The following ERAP2 variants were observed in gnomAD, a reference collection of about 807,000 sequenced individuals.
ERAP2 encodes the protein leukocyte-derived arginine aminopeptidase.
A neutral mutation model predicts 111.1 loss-of-function variants in ERAP2; 118 were observed. The ratio of observed to expected loss-of-function variants is 1.06; its 90% CI spans 0.92 to 1.24. ERAP2 has a LOEUF of 1.24. Among genes scored for constraint, ERAP2 ranks in the 50% most tolerant of loss-of-function variants. The pLI is 0.00. For missense variants in ERAP2, 1,131 were observed against 1,125.8 expected, an observed-to-expected ratio of 1.00 and a Z score of -0.07; for synonymous variants, 410 against 401.2, an observed-to-expected ratio of 1.02 and a Z score of -0.26.
chr5:96,887,108 C>T (rs200395946), intron 4 of ERAP2, among the ~76,000 whole-genome samples: 2,007 of 138,174 alleles, frequency 0.015, 51 homozygotes, highest in East Asian at 0.1. Flanking sequence ...TATACACACA[C>T]ACACACACAC....
intron 1 of ERAP2, among the ~76,000 whole-genome samples, chr5:96,878,440 A>G (rs1342289344): frequency 1.3e-5 from 2 of 152,072 alleles, no homozygotes; most frequent in Non-Finnish European, 2.9e-5. Context: ...AATATAGAAT[A>G]TATATATAGA....
chr5:96,887,911 AG>A (rs1783927771), intron 4 of ERAP2, among the ~76,000 whole-genome samples: 1 of 152,138 alleles, frequency 6.6e-6, no homozygotes, highest in Non-Finnish European at 1.5e-5. Flanking sequence ...AGATCGCCTG[AG>A]GTCAGGAGTT....
intron 4 of ERAP2, among the ~76,000 whole-genome samples, chr5:96,887,073 G>GTATATATATATATA (rs35218383): frequency 8.3e-4 from 72 of 87,140 alleles, no homozygotes; most frequent in Admixed American, 5.7e-3. Context: ...AATTTTCAAA[G>GTATATATATATATA]TATATATATA....
intron 10 of ERAP2, among the ~76,000 whole-genome samples, chr5:96,900,471 A>C (rs1273841138): frequency 6.6e-6 from 1 of 152,160 alleles, no homozygotes; most frequent in African/African-American, 2.4e-5. Flanking sequence ...TTACTACTGC[A>C]TTGGCATCCC....
In ERAP2 at chr5:96,918,559, A is replaced by G. The variant is rs1028907655; in HGVS notation, c.*954A>G. On this transcript the variant is annotated 3_prime_UTR_variant, in exon 19 of 19. Transcript: ENST00000437043. ...GAATGGTCTCTGGTCAAATGAATGA[A>G]TGGTCAAATGAATAAATCTGCCCTC... is the stretch of plus-strand genomic sequence containing the variant. 8.5e-5 allele frequency: 13 copies of G among 152,154 alleles called. No individual in the cohort carries two copies. The highest frequency in any genetic ancestry group is 8.5e-4 in the Admixed American group (13 of 15,276). 9.4% of individuals were successfully genotyped at this position (152,154 alleles called of 1,614,324 possible).
Position 96,889,182 on chromosome 5 carries a change from C to G in ERAP2, c.850-3C>G. The G allele has an allele frequency of 6.2e-7, 1 of 1,613,966 alleles. No individual in the cohort carries two copies. Among genetic ancestry groups the G allele is most frequent in the Non-Finnish European group, 8.5e-7 (1 of 1,179,860 alleles). On this transcript the variant is annotated splice_region_variant and splice_polypyrimidine_tract_variant and intron_variant, in intron 4 of 18. Coordinates refer to ENST00000437043, the MANE Select transcript of ERAP2 (RefSeq NM_022350.5). ...AAAACCTCTTCTGATCCACATTTCC[C>G]AGGTGTCCATCTATGCATCCCCAGA... is the stretch of plus-strand genomic sequence containing the variant.
At chr5:96,906,450 C>T (rs1483390557) in intron 13 of ERAP2, among the ~76,000 whole-genome samples, 1 of 152,028 alleles carries the variant, frequency 6.6e-6, no homozygotes, top group Non-Finnish European at 1.5e-5. Flanking sequence ...AATTTTTTGG[C>T]AGAGATGGCG....
intron 13 of ERAP2, among the ~76,000 whole-genome samples, 165 bp downstream of exon 13, chr5:96,903,725 T>G (rs1785735982): frequency 6.6e-6 from 1 of 151,598 alleles, no homozygotes; most frequent in Non-Finnish European, 1.5e-5. Flanking sequence ...TAACGTATTT[T>G]GACCCACACA....
rs751893916 is a variant in ERAP2 at position 96,896,355 on chromosome 5, A to G, written c.1240-18A>G. On this transcript the variant is annotated intron_variant, in intron 7 of 18. Coordinates refer to ENST00000437043, the MANE Select transcript of ERAP2 (RefSeq NM_022350.5). The stretch of plus-strand genomic sequence containing the variant: ...TGTCAAATAGAAACTAAAACTAAAC[A>G]TTTTTCTCCCTGTTTAGGATGACTA... The G allele has an allele frequency of 1.4e-5, 23 of 1,594,616 alleles. No homozygotes were observed. In the Admixed American group the frequency reaches 3.9e-4, roughly 27 times the overall value.
At chr5:96,889,388 A>G (rs1287042268) in intron 5 of ERAP2, 83 bp downstream of exon 5, 2 of 1,466,990 alleles carry the variant, frequency 1.4e-6, no homozygotes, top group Non-Finnish European at 1.9e-6. Context: ...TTTCTATGTG[A>G]TTTAAATGAG....
upstream of ERAP2, chr5:96,876,383 C>T (rs920835724): frequency 1.3e-5 from 2 of 152,300 alleles, no homozygotes; most frequent in African/African-American, 2.4e-5. Context: ...AAGCTCTTAT[C>T]CTAAGCTCCA....
In ERAP2 at chr5:96,896,973, G is replaced by A. The variant is rs1784947537; in HGVS notation, c.1503+110G>A. On this transcript the variant is annotated intron_variant, in intron 9 of 18. Transcript: ENST00000437043. ...ATTGTCAGTCAACCATATTTATTCTGCTTGCTATGTTGTCATGGTCTATAG... is the reference window on the plus strand; with the variant it reads ...ATTGTCAGTCAACCATATTTATTCTACTTGCTATGTTGTCATGGTCTATAG... 6 of 385,192 alleles carry A rather than the reference G, an allele frequency of 1.6e-5. No individual in the cohort carries two copies. The South Asian group carries it at 3.5e-4, about 22-fold the overall frequency. The allele number at this position is 385,192 out of a possible 1,614,324, so 23.9% of individuals were successfully genotyped here. A position where few individuals can be genotyped will look rare whatever the true frequency, so the allele number is the denominator to read the frequency against.
chr5:96,910,239 T>C (rs1786567639), intron 15 of ERAP2: 1 of 145,274 alleles, frequency 6.9e-6, no homozygotes, highest in Non-Finnish European at 1.5e-5. Flanking sequence ...CACTGCAGTC[T>C]GGGCAACAGA....
chr5:96,916,780 A>T lies in ERAP2; in HGVS notation c.2740-682A>T, dbSNP rs1436462378. ...ACCAGCCTATCTTTTTTTTTTTTTT[A>T]AAGCATTATAGTCTTTGCACCTTCT... On this transcript the variant is annotated intron_variant, in intron 18 of 18. Transcript: ENST00000437043. 2.0e-3 allele frequency among the ~76,000 whole-genome samples: 237 copies of T among 121,106 alleles called. 1 individual carries two copies. The highest frequency in any genetic ancestry group is 3.2e-3 in the Non-Finnish European group (176 of 54,640). 79.5% of individuals were successfully genotyped at this position (121,106 alleles called of 152,430 possible). A position where few individuals can be genotyped will look rare whatever the true frequency, so the allele number is the denominator to read the frequency against.
chr5:96,909,122 G>T lies in ERAP2; in HGVS notation c.2169+5G>T, dbSNP rs761424043. 1.9e-6 allele frequency: 3 copies of T among 1,613,604 alleles called. No homozygotes were observed. The highest frequency in any genetic ancestry group is 2.5e-6 in the Non-Finnish European group (3 of 1,179,632). ...GATATCTCTGAAAACCTCAAGGTTT[G>T]TGTTGCTTTTAGAAAATGTATTAAG... is the stretch of plus-strand genomic sequence containing the variant. On this transcript the variant is annotated splice_donor_5th_base_variant and intron_variant, in intron 14 of 18. Transcript: ENST00000437043.
intron 13 of ERAP2, among the ~76,000 whole-genome samples, chr5:96,903,901 A>T (rs1785755186): frequency 6.6e-6 from 1 of 152,204 alleles, no homozygotes; most frequent in Non-Finnish European, 1.5e-5. Flanking sequence ...TCTTTAGGCC[A>T]GGCCTACTTT....
chr5:96,895,332 T>C lies in ERAP2; in HGVS notation c.1212T>C (p.Val404=). 1 of 1,611,040 alleles carries C rather than the reference T, an allele frequency of 6.2e-7. No homozygotes were observed. Among genetic ancestry groups the C allele is most frequent in the Non-Finnish European group, 8.5e-7 (1 of 1,177,668 alleles). ...GFAKYMELIA[V]NATYPELQFD... is the part of the protein sequence containing the mutation. ...CAAAATACATGGAACTTATCGCTGTTAATGCTACATATCCAGAGCTGCAAT... is the reference window on the plus strand; with the variant it reads ...CAAAATACATGGAACTTATCGCTGTCAATGCTACATATCCAGAGCTGCAAT... Residue 404 remains valine, a synonymous_variant, in exon 7 of 19, where the codon GTT becomes GTC. Coordinates refer to ENST00000437043, the MANE Select transcript of ERAP2 (RefSeq NM_022350.5).
chr5:96,882,355 G>C (rs908347739), intron 2 of ERAP2, among the ~76,000 whole-genome samples: 1 of 152,148 alleles, frequency 6.6e-6, no homozygotes, highest in Admixed American at 6.5e-5. Context: ...GGACTTTCCA[G>C]CATGCCTCCC....
At chr5:96,911,629 T>C (rs1786747517) in intron 15 of ERAP2, among the ~76,000 whole-genome samples, 1 of 152,012 alleles carries the variant, frequency 6.6e-6, no homozygotes, top group Non-Finnish European at 1.5e-5. Context: ...CTCATGCCTG[T>C]AAGGCCAAGG....
Sources: allele counts gnomAD v4.1 joint callset (sites outside exome capture counted in the v4.1 genomes callset), GRCh38; gene constraint gnomAD v4.1.1; transcripts MANE v1.5; gene names NCBI Gene and HGNC (gene_info 2026-07-23, HGNC 2026-07-21).